Variants in CHCHD3 observed in about 807,000 individuals in gnomAD.
CHCHD3 encodes MICOS complex subunit MIC19.
In CHCHD3, 20 loss-of-function variants were observed where a neutral mutation model predicts 38.2. That is an observed-to-expected ratio of 0.52 (90% CI 0.37 to 0.76). CHCHD3 has a LOEUF of 0.76. Among genes scored for constraint, CHCHD3 ranks in the 30% least tolerant of loss-of-function variants. CHCHD3 has a pLI of 0.00. For synonymous variants in CHCHD3, 82 were observed against 100.0 expected (o/e 0.82, Z 1.07); for missense variants, 245 against 279.2 (o/e 0.88, Z 0.87).
chr7:133,074,997 T>C (rs1584689598), intron 1 of CHCHD3, among the ~76,000 whole-genome samples: 1 of 152,156 alleles, frequency 6.6e-6, no homozygotes, highest in East Asian at 1.9e-4. Context: ...TCGTTCTCTG[T>C]AAGGTGCATG....
At chr7:132,882,222 G>A (rs1400926231) in intron 5 of CHCHD3, among the ~76,000 whole-genome samples, 1 of 152,064 alleles carries the variant, frequency 6.6e-6, no homozygotes, top group African/African-American at 2.4e-5. Context: ...TGCAGATAAA[G>A]AACCAGACAC....
intron 4 of CHCHD3, among the ~76,000 whole-genome samples, chr7:132,947,131 T>C (rs964425533): frequency 2.0e-5 from 3 of 151,958 alleles, no homozygotes; most frequent in Non-Finnish European, 2.9e-5. Flanking sequence ...AGTAGACAAT[T>C]AGATATCTTA....
Position 132,785,419 on chromosome 7 carries a change from A to C in CHCHD3, c.*218T>G. ...ATAAGAGGGTTTACTAATACTCAAG[A>C]GTGTCCTTTAATGACTGATCCCTGA... On this transcript the variant is annotated 3_prime_UTR_variant, in exon 8 of 8. Transcript: ENST00000262570. 1.7e-6 allele frequency: 1 copy of C among 605,590 alleles called. No individual in the cohort carries two copies. The highest frequency in any genetic ancestry group is 2.8e-5 in the East Asian group (1 of 35,782). 37.5% of individuals were successfully genotyped at this position (605,590 alleles called of 1,614,324 possible). A position where few individuals can be genotyped will look rare whatever the true frequency, so the allele number is the denominator to read the frequency against.
chr7:132,970,107 C>A (rs1056300978), intron 4 of CHCHD3, among the ~76,000 whole-genome samples: 9 of 152,100 alleles, frequency 5.9e-5, no homozygotes, highest in African/African-American at 1.7e-4. Context: ...ACACACACAC[C>A]CACTTAAAGA....
intron 2 of CHCHD3, among the ~76,000 whole-genome samples, chr7:133,039,231 A>C (rs1356107080): frequency 3.3e-5 from 5 of 152,226 alleles, no homozygotes; most frequent in African/African-American, 1.2e-4. Context: ...ACAAATATCA[A>C]AACCATTATT....
At chr7:132,931,093 A>G (rs1810503620) in intron 4 of CHCHD3, among the ~76,000 whole-genome samples, 1 of 152,226 alleles carries the variant, frequency 6.6e-6, no homozygotes, top group East Asian at 1.9e-4. Flanking sequence ...ACTCTTGTGG[A>G]AAAACTCCAG....
At chr7:132,993,729 C>T (rs1346606535) in intron 3 of CHCHD3, among the ~76,000 whole-genome samples, 2 of 152,192 alleles carry the variant, frequency 1.3e-5, no homozygotes, top group Non-Finnish European at 2.9e-5. Flanking sequence ...CCCCATCCCT[C>T]ACCCACCCAA....
intron 4 of CHCHD3, among the ~76,000 whole-genome samples, chr7:132,925,218 G>A (rs956155313): frequency 1.3e-5 from 2 of 151,988 alleles, no homozygotes; most frequent in Non-Finnish European, 2.9e-5. Flanking sequence ...TTAGAAAAGG[G>A]AGAGGCTCTT....
chr7:132,868,082 AACAAC>A (rs1808676277), intron 5 of CHCHD3, among the ~76,000 whole-genome samples: 1 of 152,230 alleles, frequency 6.6e-6, no homozygotes, highest in Non-Finnish European at 1.5e-5. Flanking sequence ...TTTATACTGT[AACAAC>A]TGCATACTTC....
chr7:133,000,911 G>A (rs1032458587), intron 3 of CHCHD3, among the ~76,000 whole-genome samples: 2 of 152,166 alleles, frequency 1.3e-5, no homozygotes, highest in Non-Finnish European at 2.9e-5. Flanking sequence ...CAGAGCTACA[G>A]TAAGTCTCAA....
chr7:132,829,588 A>T (rs1256378409), intron 6 of CHCHD3, among the ~76,000 whole-genome samples: 1 of 152,204 alleles, frequency 6.6e-6, no homozygotes, highest in Non-Finnish European at 1.5e-5. Context: ...GAAAGGAAAG[A>T]AGATGCTTGG....
chr7:132,932,321 G>A (rs1466988793), intron 4 of CHCHD3, among the ~76,000 whole-genome samples: 2 of 152,174 alleles, frequency 1.3e-5, no homozygotes, highest in African/African-American at 4.8e-5. Context: ...GGAGAGAGAG[G>A]TGAAAAGAGC....
chr7:132,954,214 C>T lies in CHCHD3; in HGVS notation c.369+20955G>A, dbSNP rs141081696. On this transcript the variant is annotated intron_variant, in intron 4 of 7. Coordinates refer to ENST00000262570, the MANE Select transcript of CHCHD3 (RefSeq NM_017812.4). ...TGGTGTATATGGCAGCCACTCTAAG[C>T]TTCTTGAGAGCAAGGATTCTGCTCC... 7.8e-4 allele frequency among the ~76,000 whole-genome samples: 118 copies of T among 152,186 alleles called. 1 individual carries two copies. In the East Asian group the frequency reaches 0.017, roughly 22 times the overall value.
At chr7:132,852,958 T>C (rs1585572651) in intron 5 of CHCHD3, among the ~76,000 whole-genome samples, 2 of 152,340 alleles carry the variant, frequency 1.3e-5, no homozygotes, top group South Asian at 2.1e-4. Flanking sequence ...TTCCTGAAGA[T>C]TGAGCAAACC....
At chr7:132,800,665 A>G (rs978886466) in intron 6 of CHCHD3, among the ~76,000 whole-genome samples, 1 of 152,198 alleles carries the variant, frequency 6.6e-6, no homozygotes, top group Non-Finnish European at 1.5e-5. Context: ...TCTAGAGGAC[A>G]CTGAAGTCAC....
At chr7:133,021,709 A>G (rs1813182885) in intron 3 of CHCHD3, among the ~76,000 whole-genome samples, 1 of 152,186 alleles carries the variant, frequency 6.6e-6, no homozygotes, top group South Asian at 2.1e-4. Flanking sequence ...GAGTGACTAG[A>G]TATGTGGATG....
chr7:133,037,671 G>A (rs1038512812), intron 2 of CHCHD3, among the ~76,000 whole-genome samples: 2 of 152,088 alleles, frequency 1.3e-5, no homozygotes, highest in African/African-American at 4.8e-5. Context: ...AAATTAGCCA[G>A]GCGTGGTGGT....
At chr7:132,976,649 T>C (rs1337966156) in intron 3 of CHCHD3, among the ~76,000 whole-genome samples, 3 of 152,240 alleles carry the variant, frequency 2.0e-5, no homozygotes, top group Non-Finnish European at 4.4e-5. Flanking sequence ...AAAATTGTTA[T>C]GTTGGTGTAA....
At chr7:132,939,705 G>A (rs1314950619) in intron 4 of CHCHD3, among the ~76,000 whole-genome samples, 1 of 152,214 alleles carries the variant, frequency 6.6e-6, no homozygotes, top group Non-Finnish European at 1.5e-5. Context: ...GAAGAATGAA[G>A]AGGGTGTGTT....
Sources: gnomAD v4.1 joint callset for allele counts (sites outside exome capture counted in the v4.1 genomes callset) on GRCh38, gnomAD v4.1.1 for gene constraint, MANE v1.5 for transcripts, NCBI Gene and HGNC (gene_info 2026-07-23, HGNC 2026-07-21) for gene names.